SLC71A2: variants seen among roughly 807,000 people sequenced by gnomAD.
SLC71A2 encodes the protein solute carrier family 71 member 2.
the SLC71A2 span, among the ~76,000 whole-genome samples, chr9:94,399,484 A>C: frequency 6.6e-6 from 1 of 152,170 alleles, no homozygotes; most frequent in Non-Finnish European, 1.5e-5. Context: ...TATCTATATG[A>C]AGTTAAAAAT....
At chr9:94,419,302 T>C in the SLC71A2 span, among the ~76,000 whole-genome samples, 5 of 149,624 alleles carry the variant, frequency 3.3e-5, no homozygotes, top group Non-Finnish European at 5.9e-5. Context: ...TTTTTTCTTT[T>C]TTTTTTTTTT....
the SLC71A2 span, among the ~76,000 whole-genome samples, chr9:94,409,129 CTTTTTTTTTT>C: frequency 7.3e-5 from 5 of 68,240 alleles, no homozygotes; most frequent in East Asian, 1.2e-3. Flanking sequence ...GCCCGGCCTC[CTTTTTTTTTT>C]TTTTTTTTTT....
chr9:94,419,086 T>G, the SLC71A2 span, among the ~76,000 whole-genome samples: 9 of 152,058 alleles, frequency 5.9e-5, no homozygotes, highest in Non-Finnish European at 1.3e-4. Flanking sequence ...TTAAAACCTG[T>G]ATATTTAGAT....
the SLC71A2 span, among the ~76,000 whole-genome samples, chr9:94,430,164 A>G: frequency 6.9e-6 from 1 of 145,982 alleles, no homozygotes; most frequent in Non-Finnish European, 1.5e-5. Flanking sequence ...TGGCCTCCCA[A>G]AGTGCTGGGA....
At chr9:94,375,418 G>A in the SLC71A2 span, among the ~76,000 whole-genome samples, 1 of 151,448 alleles carries the variant, frequency 6.6e-6, no homozygotes, top group African/African-American at 2.4e-5. Flanking sequence ...GACCAGCCGA[G>A]GAGCAAGTTA....
At chr9:94,442,157 A>C in the SLC71A2 span, among the ~76,000 whole-genome samples, 1 of 152,180 alleles carries the variant, frequency 6.6e-6, no homozygotes, top group Admixed American at 6.5e-5. Context: ...GGGAGATTGA[A>C]TGCCAGAAAC....
chr9:94,422,327 G>C, the SLC71A2 span, among the ~76,000 whole-genome samples: 1 of 152,064 alleles, frequency 6.6e-6, no homozygotes, highest in Admixed American at 6.6e-5. Flanking sequence ...GTAATAAACT[G>C]TAAGTATAAC....
chr9:94,456,313 C>T, the SLC71A2 span: 45 of 1,613,950 alleles, frequency 2.8e-5, no homozygotes, highest in South Asian at 5.5e-5. Flanking sequence ...CCTCGTCTCT[C>T]GGAATGCAGA....
the SLC71A2 span, among the ~76,000 whole-genome samples, chr9:94,397,117 C>T: frequency 4.9e-4 from 75 of 152,068 alleles, no homozygotes; most frequent in Non-Finnish European, 8.7e-4. Context: ...TTCTTTTTCT[C>T]CTTCAGGATG....
the SLC71A2 span, among the ~76,000 whole-genome samples, chr9:94,424,922 TAATA>T: frequency 6.8e-6 from 1 of 148,116 alleles, no homozygotes; most frequent in Admixed American, 6.8e-5. Context: ...TTTTTTTAAA[TAATA>T]AATATCGGGT....
chr9:94,459,162 G>A, the SLC71A2 span: 2 of 1,612,870 alleles, frequency 1.2e-6, no homozygotes, highest in Non-Finnish European at 1.7e-6. Flanking sequence ...GTTCAACAGG[G>A]AGCTGTCATC....
At chr9:94,410,568 A>G in the SLC71A2 span, among the ~76,000 whole-genome samples, 1 of 152,120 alleles carries the variant, frequency 6.6e-6, no homozygotes, top group Non-Finnish European at 1.5e-5. Context: ...TGTTTTTAAT[A>G]TTGATTCTAA....
the SLC71A2 span, chr9:94,438,306 C>A: frequency 1.4e-6 from 2 of 1,409,724 alleles, no homozygotes; most frequent in Non-Finnish European, 2.0e-6. Flanking sequence ...GGGGGCAGTA[C>A]AATGAATTAG....
the SLC71A2 span, among the ~76,000 whole-genome samples, chr9:94,453,050 T>A: frequency 6.6e-6 from 1 of 152,116 alleles, no homozygotes; most frequent in East Asian, 1.9e-4. Context: ...GCCGTTTATA[T>A]TTTTGTTTTT....
chr9:94,397,941 A>G, the SLC71A2 span, among the ~76,000 whole-genome samples: 1 of 152,124 alleles, frequency 6.6e-6, no homozygotes, highest in Non-Finnish European at 1.5e-5. Context: ...CCGTTTCTAT[A>G]CTGTACACTT....
the SLC71A2 span, among the ~76,000 whole-genome samples, chr9:94,397,911 C>T: frequency 6.6e-6 from 1 of 152,206 alleles, no homozygotes; most frequent in Admixed American, 6.5e-5. Flanking sequence ...GATTTCTCCA[C>T]TGTAAAGTTG....
chr9:94,452,322 C>CA, the SLC71A2 span, among the ~76,000 whole-genome samples: 1 of 152,070 alleles, frequency 6.6e-6, no homozygotes, highest in African/African-American at 2.4e-5. Context: ...GAGGGCCAGA[C>CA]ACGGTGGCTC....
chr9:94,385,996 C>G, the SLC71A2 span, among the ~76,000 whole-genome samples: 2 of 152,166 alleles, frequency 1.3e-5, no homozygotes, highest in Non-Finnish European at 2.9e-5. Context: ...TTTTCCATTT[C>G]TGCAAGAAAG....
the SLC71A2 span, among the ~76,000 whole-genome samples, chr9:94,452,990 C>T: frequency 2.6e-5 from 4 of 151,654 alleles, no homozygotes; most frequent in Non-Finnish European, 4.4e-5. Context: ...ATGAGAAGGC[C>T]GCAAAACTAC....
Sources: gnomAD v4.1 joint callset for allele counts (sites outside exome capture counted in the v4.1 genomes callset) on GRCh38, gnomAD v4.1.1 for gene constraint, MANE v1.5 for transcripts, NCBI Gene and HGNC (gene_info 2026-07-23, HGNC 2026-07-21) for gene names.